The following MYO18B variants were observed in gnomAD, a reference collection of about 807,000 sequenced individuals.
MYO18B encodes myosin XVIIIB.
In MYO18B, 204 loss-of-function variants were observed where a neutral mutation model predicts 273.0. That is an observed-to-expected ratio of 0.75 (90% CI 0.67 to 0.84). The LOEUF is 0.84. Among genes scored for constraint, MYO18B ranks in the 40% least tolerant of loss-of-function variants. MYO18B has a pLI of 0.00. For synonymous variants in MYO18B, 1,330 were observed against 1,305.7 expected (o/e 1.02, Z -0.40); for missense variants, 3,212 against 3,287.6 (o/e 0.98, Z 0.56).
chr22:25,859,703 T>A (rs1347348909), intron 21 of MYO18B, among the ~76,000 whole-genome samples: 1 of 152,218 alleles, frequency 6.6e-6, no homozygotes, highest in Non-Finnish European at 1.5e-5. Flanking sequence ...TTGCCCATTT[T>A]AATTAGGCTG....
chr22:26,041,639 T>C, the MYO18B span, among the ~76,000 whole-genome samples: 2 of 152,176 alleles, frequency 1.3e-5, no homozygotes, highest in African/African-American at 4.8e-5. Context: ...TGCTGATCTC[T>C]CTGGTTGCTG....
chr22:26,063,023 A>G, the MYO18B span, among the ~76,000 whole-genome samples: 1 of 152,190 alleles, frequency 6.6e-6, no homozygotes, highest in African/African-American at 2.4e-5. Context: ...ATGGACACCC[A>G]GCACTGTGCC....
intron 14 of MYO18B, among the ~76,000 whole-genome samples, chr22:25,828,278 A>G (rs1170728159): frequency 1.3e-5 from 2 of 152,176 alleles, no homozygotes; most frequent in African/African-American, 4.8e-5. Context: ...TGAAGCCCAC[A>G]TGTGACTGGC....
chr22:26,041,352 C>CAAAAAAAAAAAAA, the MYO18B span, among the ~76,000 whole-genome samples: 5 of 62,180 alleles, frequency 8.0e-5, no homozygotes, highest in African/African-American at 1.8e-4. Context: ...CTGTCTCTAC[C>CAAAAAAAAAAAAA]AAAAAAAAAA....
intron 38 of MYO18B, among the ~76,000 whole-genome samples, chr22:25,952,751 AC>A (rs1311356547): frequency 6.6e-6 from 1 of 151,402 alleles, no homozygotes; most frequent in Non-Finnish European, 1.5e-5. Context: ...TTAGCCCTCA[AC>A]CCCTCTGTCT....
At chr22:25,900,015 AG>A (rs1435555047) in intron 29 of MYO18B, 3 of 152,216 alleles carry the variant, frequency 2.0e-5, no homozygotes, top group African/African-American at 7.2e-5. Context: ...CTGATGAGTA[AG>A]GGGCCAGCCT....
At position 25,843,780 on chromosome 22, in the gene MYO18B, T is replaced by C; in HGVS notation, c.3254T>C (p.Ile1085Thr). ...RTCEQPLQCEIFHQLGWDPVR... is the reference protein window; with the variant it reads ...RTCEQPLQCETFHQLGWDPVR... ...TGTGAGCAGCCCCTCCAGTGTGAGATTTTCCACCAGTTGGGATGGGACCCT... is the reference window on the plus strand; with the variant it reads ...TGTGAGCAGCCCCTCCAGTGTGAGACTTTCCACCAGTTGGGATGGGACCCT... The change falls in exon 18 of 44, where the codon ATT (isoleucine) becomes ACT (threonine). Residue 1085 changes from isoleucine (I) to threonine (T), a missense_variant. Coordinates refer to ENST00000335473, the MANE Select transcript of MYO18B (RefSeq NM_032608.7). The C allele has an allele frequency of 6.2e-7, 1 of 1,613,876 alleles. No individual in the cohort carries two copies. The highest frequency in any genetic ancestry group is 1.3e-5 in the African/African-American group (1 of 75,018).
downstream of MYO18B, among the ~76,000 whole-genome samples, chr22:26,032,885 G>C (rs1936699240): frequency 1.3e-5 from 2 of 152,018 alleles, no homozygotes; most frequent in Admixed American, 1.3e-4. Context: ...AGTTTTAGGG[G>C]TTCACAATTC....
In MYO18B at chr22:25,769,954, A is replaced by C. The variant is rs960429431; in HGVS notation, c.1513-156A>C. On this transcript the variant is annotated intron_variant, in intron 4 of 43. Coordinates refer to ENST00000335473, the MANE Select transcript of MYO18B (RefSeq NM_032608.7). ...CTCCACCTCCCGGGTCCGCAACGGG[A>C]ATCTGCATTTAAATAAGCACACTCC... 10 of 746,830 alleles carry C rather than the reference A, an allele frequency of 1.3e-5. No homozygotes were observed. The African/African-American group carries it at 1.7e-4, about 13-fold the overall frequency. 46.3% of individuals were successfully genotyped at this position (746,830 alleles called of 1,614,324 possible). A position where few individuals can be genotyped will look rare whatever the true frequency, so the allele number is the denominator to read the frequency against.
chr22:25,989,429 T>G (rs2093236699), intron 39 of MYO18B, among the ~76,000 whole-genome samples: 1 of 152,046 alleles, frequency 6.6e-6, no homozygotes, highest in Non-Finnish European at 1.5e-5. Context: ...AAGATACAGG[T>G]GCCACATCTG....
Position 26,000,286 on chromosome 22 carries a change from C to G in MYO18B, c.6288-2979C>G, listed in dbSNP as rs114376198. ...TTTTATACCAAAGCTAACTCATGTA[C>G]AAAATTCTAGCTTAGGATGGAGTGC... On this transcript the variant is annotated intron_variant, in intron 40 of 43. Coordinates refer to ENST00000335473, the MANE Select transcript of MYO18B (RefSeq NM_032608.7). 2.3e-3 allele frequency among the ~76,000 whole-genome samples: 346 copies of G among 152,282 alleles called. 1 individual carries two copies. The highest frequency in any genetic ancestry group is 6.7e-3 in the African/African-American group (278 of 41,558).
At chr22:25,878,767 T>G (rs746260541) in intron 25 of MYO18B, among the ~76,000 whole-genome samples, 1 of 152,256 alleles carries the variant, frequency 6.6e-6, no homozygotes, top group Non-Finnish European at 1.5e-5. Flanking sequence ...GTGGGAATTC[T>G]TATTTACTGC....
At chr22:25,972,729 G>T (rs1005273469) in intron 39 of MYO18B, among the ~76,000 whole-genome samples, 1 of 152,230 alleles carries the variant, frequency 6.6e-6, no homozygotes, top group South Asian at 2.1e-4. Context: ...GCCGAGGCAG[G>T]TGGATCACCT....
At chr22:25,954,085 T>TC (rs1306740145) in intron 38 of MYO18B, among the ~76,000 whole-genome samples, 2 of 152,200 alleles carry the variant, frequency 1.3e-5, no homozygotes, top group South Asian at 4.1e-4. Context: ...TTCATGTGGG[T>TC]CCCGTCTTAT....
intron 39 of MYO18B, among the ~76,000 whole-genome samples, chr22:25,973,177 G>T (rs1418941363): frequency 2.0e-5 from 3 of 152,106 alleles, no homozygotes; most frequent in Admixed American, 1.3e-4. Context: ...CACACACTTA[G>T]TAGGTGTTCC....
the MYO18B span, among the ~76,000 whole-genome samples, chr22:26,059,922 CAT>C: frequency 3.9e-5 from 6 of 152,212 alleles, no homozygotes; most frequent in Non-Finnish European, 8.8e-5. Flanking sequence ...CCTAAAGACA[CAT>C]GTGAGAATAA....
At chr22:26,033,257 C>T (rs1487856671), downstream of MYO18B, among the ~76,000 whole-genome samples, 2 of 152,140 alleles carry the variant, frequency 1.3e-5, no homozygotes, top group African/African-American at 2.4e-5. Flanking sequence ...CTTCTAAGTG[C>T]CTGGCACCGT....
chr22:25,890,628 G>C, intron 25 of MYO18B, 128 bp from the exon 26 acceptor site: 1 of 1,349,032 alleles, frequency 7.4e-7, no homozygotes, highest in Non-Finnish European at 1.0e-6. Flanking sequence ...CTCTTAACGA[G>C]TTGATTATAC....
At chr22:25,845,621 A>C (rs968549051) in intron 18 of MYO18B, among the ~76,000 whole-genome samples, 2 of 152,232 alleles carry the variant, frequency 1.3e-5, no homozygotes, top group Admixed American at 1.3e-4. Context: ...CTGTCTGCTC[A>C]GGTATCAGGC....
Sources: gnomAD v4.1 joint callset for allele counts (sites outside exome capture counted in the v4.1 genomes callset) on GRCh38, gnomAD v4.1.1 for gene constraint, MANE v1.5 for transcripts, NCBI Gene and HGNC (gene_info 2026-07-23, HGNC 2026-07-21) for gene names.